Variants in FOXB1 observed in about 807,000 individuals in gnomAD.
The protein encoded by FOXB1 is forkhead box protein B1.
In FOXB1, 6 loss-of-function variants were observed where a neutral mutation model predicts 18.6. The ratio of observed to expected loss-of-function variants is 0.32; its 90% CI spans 0.18 to 0.64. The LOEUF (loss-of-function observed/expected upper bound fraction) is 0.64. Among genes scored for constraint, FOXB1 ranks in the 30% least tolerant of loss-of-function variants. FOXB1 has a pLI of 0.78. For missense variants in FOXB1, 419 were observed against 463.6 expected, an observed-to-expected ratio of 0.90 and a Z score of 0.88; for synonymous variants, 213 against 216.0, an observed-to-expected ratio of 0.99 and a Z score of 0.12.
chr15:60,005,186 C>T lies in FOXB1; in HGVS notation c.223C>T (p.Pro75Ser). 6.2e-7 allele frequency: 1 copy of T among 1,614,242 alleles called. No homozygotes were observed. The highest frequency in any genetic ancestry group is 8.5e-7 in the Non-Finnish European group (1 of 1,180,050). The change falls in exon 2 of 2, where the codon CCG becomes TCG. Residue 75 changes from proline (P) to serine (S), a missense_variant. Physicochemically the swap from Pro to Ser is moderately conservative, Grantham distance 74 (BLOSUM62 -1). Around this residue, in one of 3 missense-constraint regions of FOXB1, gnomAD observed 153 missense variants for 173.8 expected, o/e 0.88. Coordinates refer to ENST00000396057, the MANE Select transcript of FOXB1 (RefSeq NM_012182.3). This position sits in a 1 kb window ranked among gnomAD's most constrained non-coding sequence, Gnocchi z 9.8. ...CTTCAACGACTGCTTCATCAAGATC[C>T]CGCGGCGGCCGGACCAGCCAGGCAA... ...LSFNDCFIKI[P>S]RRPDQPGKGS...
Position 60,007,104 on chromosome 15 carries a change from G to T in FOXB1, c.*1163G>T, listed in dbSNP as rs750742289. The T allele has an allele frequency of 6.6e-5, 10 of 152,094 alleles. No homozygotes were observed. Among genetic ancestry groups the T allele is most frequent in the African/African-American group, 2.2e-4 (9 of 41,392 alleles). 9.4% of individuals were successfully genotyped at this position (152,094 alleles called of 1,614,324 possible). A position where few individuals can be genotyped will look rare whatever the true frequency, so the allele number is the denominator to read the frequency against. On this transcript the variant is annotated 3_prime_UTR_variant, in exon 2 of 2. Transcript: ENST00000396057. ...CCAAGAAGCTAAAGGGCTGCAAAGA[G>T]ATGTAAATACTTGTGAATAGGAATG...
chr15:60,004,805 GCCCCACCCCCGACCCCC>G, intron 1 of FOXB1, 85 bp from the exon 2 acceptor site: 1 of 356,152 alleles, frequency 2.8e-6, no homozygotes, highest in Non-Finnish European at 5.1e-6. Context: ...AGCGCCGCAG[GCCCCACCCCCGACCCCC>G]GAAGTCTGTT....
rs772464262 is a variant in FOXB1 at position 60,005,615 on chromosome 15, G to A, written c.652G>A (p.Val218Met). The A allele has an allele frequency of 2.5e-6, 4 of 1,608,280 alleles. No homozygotes were observed. Among genetic ancestry groups the A allele is most frequent in the Admixed American group, 1.7e-5 (1 of 59,606 alleles). ...CTCGCTGGGCACCGGCTGGCCACAC[G>A]TGTATGGCTCCGCCGGCATGATCGA... ...GSSLGTGWPH[V>M]YGSAGMIDSA... is the part of the protein sequence containing the mutation. Residue 218 changes from valine (V) to methionine (M), a missense_variant, in exon 2 of 2, where the codon GTG becomes ATG. Around this residue, in one of 3 missense-constraint regions of FOXB1, gnomAD observed 195 missense variants for 179.8 expected, o/e 1.08. Coordinates refer to ENST00000396057, the MANE Select transcript of FOXB1 (RefSeq NM_012182.3). The surrounding 1 kb of genome is among the most constrained non-coding windows in gnomAD (Gnocchi z 9.8).
At position 60,006,469 on chromosome 15, in the gene FOXB1, C is replaced by T. The variant is rs1426066753; in HGVS notation, c.*528C>T. ...GCAGCAAAAAGGAGCCACTAATCTT[C>T]CTACCCCACTCGCCTCCGCCCATCC... On this transcript the variant is annotated 3_prime_UTR_variant, in exon 2 of 2. Coordinates refer to ENST00000396057, the MANE Select transcript of FOXB1 (RefSeq NM_012182.3). 6.5e-6 allele frequency: 1 copy of T among 153,196 alleles called. No homozygotes were observed. Among genetic ancestry groups the T allele is most frequent in the Non-Finnish European group, 1.5e-5 (1 of 68,790 alleles). 9.5% of individuals were successfully genotyped at this position (153,196 alleles called of 1,614,324 possible).
In FOXB1 at chr15:60,005,985, T is replaced by G. The variant is rs749073690; in HGVS notation, c.*44T>G. On this transcript the variant is annotated 3_prime_UTR_variant, in exon 2 of 2. Transcript: ENST00000396057. The surrounding 1 kb of genome is among the most constrained non-coding windows in gnomAD (Gnocchi z 9.8). ...CCCTCTCGTTCTCCTCCCCACCACC[T>G]CACTCGCCTTCCCTGGCTCCCAGTC... The G allele has an allele frequency of 2.6e-6, 4 of 1,512,678 alleles. No individual in the cohort carries two copies. The African/African-American group carries it at 4.2e-5, about 16-fold the overall frequency. 93.7% of individuals were successfully genotyped at this position (1,512,678 alleles called of 1,614,324 possible).
At position 60,004,953 on chromosome 15, in the gene FOXB1, C is replaced by G; in HGVS notation, c.-11C>G. The G allele has an allele frequency of 6.2e-7, 1 of 1,604,908 alleles. No individual in the cohort carries two copies. Among genetic ancestry groups the G allele is most frequent in the Non-Finnish European group, 8.5e-7 (1 of 1,174,970 alleles). On this transcript the variant is annotated 5_prime_UTR_variant, in exon 2 of 2. Coordinates refer to ENST00000396057, the MANE Select transcript of FOXB1 (RefSeq NM_012182.3). ...GCGCGGACCCAGAGCAAGAAGAGGG[C>G]GAGGAAGAAGATGCCTCGGCCCGGC...
At position 60,005,403 on chromosome 15, in the gene FOXB1, T is replaced by C. The variant is rs1271220280; in HGVS notation, c.440T>C (p.Leu147Pro). ...LSALAASGTH[L>P]PQMPAAAYNL... ...GCGCTGGCGGCCTCGGGCACGCACC[T>C]GCCACAGATGCCCGCCGCCGCCTAC... Residue 147 changes from leucine (L) to proline (P), a missense_variant, in exon 2 of 2, where the codon CTG (leucine) becomes CCG (proline). Coordinates refer to ENST00000396057, the MANE Select transcript of FOXB1 (RefSeq NM_012182.3). The surrounding 1 kb of genome is among the most constrained non-coding windows in gnomAD (Gnocchi z 9.8). 16 of 1,605,954 alleles carry C rather than the reference T, an allele frequency of 1.0e-5. No homozygotes were observed. The highest frequency in any genetic ancestry group is 1.3e-5 in the Non-Finnish European group (15 of 1,177,226).
chr15:60,006,220 A>C lies in FOXB1; in HGVS notation c.*279A>C. On this transcript the variant is annotated 3_prime_UTR_variant, in exon 2 of 2. Coordinates refer to ENST00000396057, the MANE Select transcript of FOXB1 (RefSeq NM_012182.3). ...ACCATCCCCTCCCTGAGGCCCCGAA[A>C]CCCCCTCCTATTTGACCGGCGGGGG... The C allele has an allele frequency of 4.2e-5, 18 of 431,678 alleles. No homozygotes were observed. Among genetic ancestry groups the C allele is most frequent in the South Asian group, 3.7e-4 (6 of 16,090 alleles). 26.7% of individuals were successfully genotyped at this position (431,678 alleles called of 1,614,324 possible).
At position 60,006,252 on chromosome 15, in the gene FOXB1, T is replaced by A. The variant is rs1380857561; in HGVS notation, c.*311T>A. 2.4e-6 allele frequency: 1 copy of A among 412,236 alleles called. No individual in the cohort carries two copies. Among genetic ancestry groups the A allele is most frequent in the African/African-American group, 2.1e-5 (1 of 47,888 alleles). 25.5% of individuals were successfully genotyped at this position (412,236 alleles called of 1,614,324 possible). The stretch of plus-strand genomic sequence containing the variant: ...CCTATTTGACCGGCGGGGGAAACCC[T>A]GTCACCCCCTCTTCGCCGAGAAAAG... On this transcript the variant is annotated 3_prime_UTR_variant, in exon 2 of 2. Transcript: ENST00000396057.
In FOXB1 at chr15:60,005,765, G is replaced by A; in HGVS notation, c.802G>A (p.Ala268Thr). ...AIPVPIKPTP[A>T]AVPALPALPA... ...CCCCGTGCCCATTAAGCCCACGCCG[G>A]CCGCCGTGCCCGCGCTGCCTGCGCT... Residue 268 changes from alanine to threonine, a missense_variant, in exon 2 of 2, where the codon GCC (alanine) becomes ACC (threonine). Physicochemically the swap from Ala to Thr is moderately conservative, Grantham distance 58. Coordinates refer to ENST00000396057, the MANE Select transcript of FOXB1 (RefSeq NM_012182.3). The surrounding 1 kb of genome is among the most constrained non-coding windows in gnomAD (Gnocchi z 9.8). The A allele has an allele frequency of 6.2e-7, 1 of 1,600,252 alleles. No homozygotes were observed. Among genetic ancestry groups the A allele is most frequent in the Non-Finnish European group, 8.5e-7 (1 of 1,176,712 alleles).
chr15:60,006,115 C>T lies in FOXB1; in HGVS notation c.*174C>T. 1 of 835,326 alleles carries T rather than the reference C, an allele frequency of 1.2e-6. No homozygotes were observed. Among genetic ancestry groups the T allele is most frequent in the South Asian group, 1.9e-5 (1 of 52,784 alleles). 51.7% of individuals were successfully genotyped at this position (835,326 alleles called of 1,614,324 possible). On this transcript the variant is annotated 3_prime_UTR_variant, in exon 2 of 2. Transcript: ENST00000396057. The stretch of plus-strand genomic sequence containing the variant: ...TGTTTTGGACCCAGGAGACCAAACA[C>T]AAACTTGCAGATGGGCCGAGAGGCG...
rs747650499 is a variant in FOXB1 at position 60,005,122 on chromosome 15, C to G, written c.159C>G (p.Asn53Lys). Residue 53 changes from asparagine to lysine, a missense_variant, in exon 2 of 2, where the codon AAC becomes AAG. Physicochemically the swap from Asn to Lys is moderately conservative, Grantham distance 94. Coordinates refer to ENST00000396057, the MANE Select transcript of FOXB1 (RefSeq NM_012182.3). The surrounding 1 kb of genome is among the most constrained non-coding windows in gnomAD (Gnocchi z 9.8). ...IMDRFPYYRENTQRWQNSLRH... is the reference protein window; with the variant it reads ...IMDRFPYYREKTQRWQNSLRH... ...ACCGCTTCCCCTACTACAGGGAGAA[C>G]ACGCAGCGCTGGCAGAACAGTCTGC... is the stretch of plus-strand genomic sequence containing the variant. 3.1e-6 allele frequency: 5 copies of G among 1,614,196 alleles called. No homozygotes were observed. The Admixed American group carries it at 8.3e-5, about 27-fold the overall frequency.
chr15:60,005,094 T>G lies in FOXB1; in HGVS notation c.131T>G (p.Met44Arg). The change falls in exon 2 of 2, where the codon ATG (methionine) becomes AGG (arginine). Residue 44 changes from methionine (M) to arginine (R), a missense_variant. Physicochemically the swap from Met to Arg is moderately conservative, Grantham distance 91. Around this residue, in one of 3 missense-constraint regions of FOXB1, gnomAD observed 153 missense variants for 173.8 expected, o/e 0.88. Coordinates refer to ENST00000396057, the MANE Select transcript of FOXB1 (RefSeq NM_012182.3). The surrounding 1 kb of genome is among the most constrained non-coding windows in gnomAD (Gnocchi z 9.8). ...LPLSEIYKFI[M>R]DRFPYYRENT... ...CTGAGCGAGATCTACAAGTTCATCATGGACCGCTTCCCCTACTACAGGGAG... is the reference window on the plus strand; with the variant it reads ...CTGAGCGAGATCTACAAGTTCATCAGGGACCGCTTCCCCTACTACAGGGAG... 1 of 1,614,096 alleles carries G rather than the reference T, an allele frequency of 6.2e-7. No homozygotes were observed. The highest frequency in any genetic ancestry group is 1.3e-5 in the African/African-American group (1 of 75,022).
Position 60,005,198 on chromosome 15 carries a change from G to C in FOXB1, c.235G>C (p.Asp79His). The change falls in exon 2 of 2, where the codon GAC becomes CAC. Residue 79 changes from aspartate (D) to histidine (H), a missense_variant. By Grantham distance (81) the Asp-to-His change is moderately conservative. Around this residue, in one of 3 missense-constraint regions of FOXB1, gnomAD observed 153 missense variants for 173.8 expected, o/e 0.88. Transcript: ENST00000396057. This position sits in a 1 kb window ranked among gnomAD's most constrained non-coding sequence, Gnocchi z 9.8. The part of the protein sequence containing the change: ...DCFIKIPRRP[D>H]QPGKGSFWAL... ...CTTCATCAAGATCCCGCGGCGGCCG[G>C]ACCAGCCAGGCAAGGGCAGCTTCTG... The C allele has an allele frequency of 6.2e-7, 1 of 1,614,164 alleles. No individual in the cohort carries two copies. The highest frequency in any genetic ancestry group is 1.6e-4 in the Middle Eastern group (1 of 6,062).
In FOXB1 at chr15:60,005,797, G is replaced by A. The variant is rs776775706; in HGVS notation, c.834G>A (p.Ala278=). The A allele has an allele frequency of 1.9e-6, 3 of 1,605,070 alleles. No individual in the cohort carries two copies. Among genetic ancestry groups the A allele is most frequent in the Admixed American group, 1.7e-5 (1 of 59,412 alleles). The change falls in exon 2 of 2, where the codon GCG becomes GCA. Residue 278 remains alanine, a synonymous_variant. Transcript: ENST00000396057. The surrounding 1 kb of genome is among the most constrained non-coding windows in gnomAD (Gnocchi z 9.8). ...AAVPALPALP[A]PIPTLLSNSP... ...TGCCCGCGCTGCCTGCGCTGCCAGC[G>A]CCCATCCCCACCTTGCTCTCGAACT...
At chr15:60,004,672 C>A in intron 1 of FOXB1, 29 bp downstream of exon 1, 1 of 456,112 alleles carries the variant, frequency 2.2e-6, no homozygotes, top group East Asian at 3.8e-5. Context: ...CGTCCCTGCC[C>A]CCTATTCTGG....
Position 60,005,820 on chromosome 15 carries a change from A to T in FOXB1, c.857A>T (p.Asn286Ile). Reference sequence around the variant, plus strand: ...GCGCCCATCCCCACCTTGCTCTCGAACTCGCCGCCCTCGCTCAGCCCCACG... The same window carrying T: ...GCGCCCATCCCCACCTTGCTCTCGATCTCGCCGCCCTCGCTCAGCCCCACG... ...LPAPIPTLLSNSPPSLSPTSS... is the reference protein window; with the variant it reads ...LPAPIPTLLSISPPSLSPTSS... The change falls in exon 2 of 2, where the codon AAC becomes ATC. Residue 286 changes from asparagine to isoleucine, a missense_variant. Asn to Ile is a moderately radical substitution (Grantham distance 149). This residue lies in a region of FOXB1 where 195 missense variants were observed against 179.8 expected (regional missense o/e 1.08). Coordinates refer to ENST00000396057, the MANE Select transcript of FOXB1 (RefSeq NM_012182.3). This position sits in a 1 kb window ranked among gnomAD's most constrained non-coding sequence, Gnocchi z 9.8. The T allele has an allele frequency of 6.2e-7, 1 of 1,605,444 alleles. No homozygotes were observed. The highest frequency in any genetic ancestry group is 1.1e-5 in the South Asian group (1 of 90,452).
chr15:60,006,199 T>C lies in FOXB1; in HGVS notation c.*258T>C. 2.1e-6 allele frequency: 1 copy of C among 465,824 alleles called. No individual in the cohort carries two copies. 28.9% of individuals were successfully genotyped at this position (465,824 alleles called of 1,614,324 possible). Reference sequence around the variant, plus strand: ...GGCCGGGGCCACCTGAGCCGAACCATCCCCTCCCTGAGGCCCCGAAACCCC... The same window carrying C: ...GGCCGGGGCCACCTGAGCCGAACCACCCCCTCCCTGAGGCCCCGAAACCCC... On this transcript the variant is annotated 3_prime_UTR_variant, in exon 2 of 2. Transcript: ENST00000396057.
In FOXB1 at chr15:60,006,443, T is replaced by G. The variant is rs1330752813; in HGVS notation, c.*502T>G. 6.4e-6 allele frequency: 1 copy of G among 155,050 alleles called. No individual in the cohort carries two copies. 9.6% of individuals were successfully genotyped at this position (155,050 alleles called of 1,614,324 possible). A position where few individuals can be genotyped will look rare whatever the true frequency, so the allele number is the denominator to read the frequency against. ...CGGATCTCTTTACGTCTTGGAAATC[T>G]GCAGCAAAAAGGAGCCACTAATCTT... On this transcript the variant is annotated 3_prime_UTR_variant, in exon 2 of 2. Transcript: ENST00000396057.
Sources: allele counts gnomAD v4.1 joint callset, GRCh38; gene constraint gnomAD v4.1.1; regional missense constraint gnomAD v4.1.1; non-coding constraint Gnocchi (gnomAD v3.1); transcripts MANE v1.5; gene names NCBI Gene and HGNC (gene_info 2026-07-23, HGNC 2026-07-21).